Variants in MYO1H observed in about 807,000 individuals in gnomAD.
MYO1H encodes unconventional myosin-Ih.
A neutral mutation model predicts 149.3 loss-of-function variants in MYO1H; 118 were observed. The observed-to-expected ratio is 0.79, with a 90% CI of 0.68 to 0.92. The LOEUF (loss-of-function observed/expected upper bound fraction) is 0.92. Ranked by LOEUF, MYO1H falls within the 40% of genes least tolerant of loss-of-function variation. MYO1H has a pLI of 0.00. For missense variants in MYO1H, 1,212 were observed against 1,280.7 expected, an observed-to-expected ratio of 0.95 and a Z score of 0.82; for synonymous variants, 447 against 465.2, an observed-to-expected ratio of 0.96 and a Z score of 0.50.
At chr12:109,369,735 T>C (rs753032331) in intron 1 of MYO1H, among the ~76,000 whole-genome samples, 1 of 152,230 alleles carries the variant, frequency 6.6e-6, no homozygotes, top group Admixed American at 6.5e-5. Flanking sequence ...GTCAGCAGCA[T>C]AGGTCGTCAT....
chr12:109,343,350 G>A (rs955210662), upstream of MYO1H, among the ~76,000 whole-genome samples: 5 of 152,070 alleles, frequency 3.3e-5, no homozygotes, highest in South Asian at 2.1e-4. Flanking sequence ...TCAACAAAAC[G>A]AAATCATGTG....
chr12:109,412,342 A>G (rs559415573), intron 14 of MYO1H, among the ~76,000 whole-genome samples: 6 of 152,202 alleles, frequency 3.9e-5, no homozygotes, highest in Admixed American at 2.6e-4. Flanking sequence ...ATTTTTTGTA[A>G]AGACAGGGTT....
chr12:109,373,997 A>G (rs1869041443), intron 1 of MYO1H, among the ~76,000 whole-genome samples: 1 of 152,180 alleles, frequency 6.6e-6, no homozygotes, highest in African/African-American at 2.4e-5. Flanking sequence ...AAAGAAAGCA[A>G]TAGATTGCTT....
exon 23 of MYO1H, chr12:109,438,574 C>A (rs753876509): frequency 6.2e-7 from 1 of 1,613,392 alleles, no homozygotes; most frequent in African/African-American, 1.3e-5. Context: ...GGCCCTGGCT[C>A]GGAAGGCAAT....
exon 2 of MYO1H, chr12:109,388,806 G>A (rs866772634): frequency 3.7e-6 from 6 of 1,612,990 alleles, no homozygotes; most frequent in African/African-American, 2.7e-5. Flanking sequence ...TGCCTTTGTC[G>A]ACAACCTCCG....
At chr12:109,444,913 T>G (rs1872415439) in intron 30 of MYO1H, among the ~76,000 whole-genome samples, 1 of 152,116 alleles carries the variant, frequency 6.6e-6, no homozygotes, top group Admixed American at 6.6e-5. Context: ...AAATATTGTT[T>G]TCACTCCTGC....
intron 1 of MYO1H, among the ~76,000 whole-genome samples, chr12:109,353,165 G>A (rs112716605): frequency 6.6e-6 from 1 of 152,072 alleles, no homozygotes; most frequent in Admixed American, 6.5e-5. Context: ...GGAGGCCGAA[G>A]TGGATGGATC....
At chr12:109,377,008 G>A (rs1869099377) in intron 1 of MYO1H, among the ~76,000 whole-genome samples, 1 of 152,162 alleles carries the variant, frequency 6.6e-6, no homozygotes, top group Non-Finnish European at 1.5e-5. Flanking sequence ...TTCACATAAT[G>A]TAAAATTAGC....
At chr12:109,371,461 G>A (rs1372353237) in intron 1 of MYO1H, among the ~76,000 whole-genome samples, 1 of 151,980 alleles carries the variant, frequency 6.6e-6, no homozygotes, top group African/African-American at 2.4e-5. Context: ...AAAGCAATCT[G>A]CCTGCCTACG....
At chr12:109,447,330 G>A (rs527456739) in exon 32 of MYO1H, 15 of 752,064 alleles carry the variant, frequency 2.0e-5, no homozygotes, top group East Asian at 5.4e-5. Context: ...ACTGAGGGGC[G>A]TTAGGCCAAA....
the MYO1H span, among the ~76,000 whole-genome samples, chr12:109,329,880 C>T: frequency 6.6e-6 from 1 of 152,170 alleles, no homozygotes; most frequent in Non-Finnish European, 1.5e-5. Context: ...ACGTTGTGAT[C>T]AAGGCCAAGC....
rs770619927 is a variant in MYO1H, at chr12:109,406,877, G to A, written c.1035+17G>A. On this transcript the variant is annotated intron_variant, in intron 9 of 31. Coordinates refer to ENST00000310903, the Ensembl canonical transcript of MYO1H. ...ACTGAGGAGGTAAAAATGGCTATAG[G>A]TGGAAATGTGCCAGCCCTCCCTGCT... is the stretch of plus-strand genomic sequence containing the variant. 6.2e-7 allele frequency: 1 copy of A among 1,610,682 alleles called. No individual in the cohort carries two copies. Among genetic ancestry groups the A allele is most frequent in the Middle Eastern group, 1.7e-4 (1 of 6,030 alleles).
intron 31 of MYO1H, 39 bp from the exon 32 acceptor site, chr12:109,447,120 C>T (rs375638133): frequency 1.9e-5 from 30 of 1,579,080 alleles, no homozygotes; most frequent in East Asian, 1.6e-4. Flanking sequence ...GCAAAGGGAG[C>T]GGGGAAGGGC....
chr12:109,343,572 C>T (rs1481734372), upstream of MYO1H, among the ~76,000 whole-genome samples: 1 of 152,098 alleles, frequency 6.6e-6, no homozygotes, highest in East Asian at 1.9e-4. Context: ...CCTGCTATCC[C>T]CAACCCCCAA....
chr12:109,394,409 C>T (rs1453927318), intron 3 of MYO1H, among the ~76,000 whole-genome samples: 3 of 152,128 alleles, frequency 2.0e-5, no homozygotes, highest in Non-Finnish European at 4.4e-5. Flanking sequence ...AATATAACCA[C>T]CTTGATATCA....
the MYO1H span, among the ~76,000 whole-genome samples, chr12:109,313,279 C>A: frequency 1.3e-5 from 2 of 152,090 alleles, no homozygotes; most frequent in Non-Finnish European, 2.9e-5. Context: ...CCCACAAGTT[C>A]TCACAGGAGA....
chr12:109,440,876 G>A, intron 25 of MYO1H, 49 bp downstream of exon 25: 1 of 1,356,540 alleles, frequency 7.4e-7, no homozygotes, highest in Non-Finnish European at 1.0e-6. Flanking sequence ...GGGTGTAAGA[G>A]TGGGTCCTGA....
chr12:109,387,908 T>C (rs1226799017), intron 1 of MYO1H, among the ~76,000 whole-genome samples: 1 of 152,198 alleles, frequency 6.6e-6, no homozygotes, highest in East Asian at 1.9e-4. Flanking sequence ...GCAGCGCGGG[T>C]GCTCAGGAAG....
chr12:109,443,503 TC>T lies in MYO1H; in HGVS notation c.2689-7del. ...CCCACCTTCCCTGGTGAAGTCACCT[TC>T]CCCTTGCAGTATGGTGTCCCGGTCA... is the stretch of plus-strand genomic sequence containing the variant. On this transcript the variant is annotated splice_polypyrimidine_tract_variant and intron_variant, in intron 27 of 31. Coordinates refer to ENST00000310903, the Ensembl canonical transcript of MYO1H. 2.5e-6 allele frequency: 4 copies of T among 1,612,222 alleles called. No homozygotes were observed. The highest frequency in any genetic ancestry group is 2.5e-6 in the Non-Finnish European group (3 of 1,178,684).
Sources: gnomAD v4.1 joint callset for allele counts (sites outside exome capture counted in the v4.1 genomes callset) on GRCh38, gnomAD v4.1.1 for gene constraint, MANE v1.5 for transcripts, NCBI Gene and HGNC (gene_info 2026-07-23, HGNC 2026-07-21) for gene names.